COL17A1: variants seen among roughly 807,000 people sequenced by gnomAD.
COL17A1 encodes the protein collagen type XVII alpha 1 chain, also known as collagen alpha-1(XVII) chain.
COL17A1 carries 181 observed loss-of-function variants against 218.4 expected under a neutral mutation model. That is an observed-to-expected ratio of 0.83 (90% CI 0.73 to 0.94). The LOEUF (loss-of-function observed/expected upper bound fraction) is 0.94, where lower values mean the gene tolerates loss of function less well. Among genes scored for constraint, COL17A1 ranks in the 40% least tolerant of loss-of-function variants. The probability of loss-of-function intolerance (pLI) is 0.00; values close to 1 mark genes in which losing one functional copy is unlikely to be tolerated. For missense variants in COL17A1, 1,924 were observed against 1,945.9 expected (o/e 0.99, Z 0.21); for synonymous variants, 721 against 731.0 (o/e 0.99, Z 0.22).
In COL17A1 at chr10:104,066,372, A is replaced by T. The variant is rs550080865; in HGVS notation, c.608-1776T>A. On this transcript the variant is annotated intron_variant, in intron 9 of 55. Coordinates refer to ENST00000648076, the MANE Select transcript of COL17A1 (RefSeq NM_000494.4). ...AACCAGGGACAAGGAAAAGCAAAAA[A>T]TGATAAAGTATTGCTGTTTTATCTG... Among the ~76,000 whole-genome samples, 4 of 152,334 alleles carry T rather than the reference A, an allele frequency of 2.6e-5. No homozygotes were observed. In the East Asian group the frequency reaches 7.7e-4, roughly 29 times the overall value.
intron 9 of COL17A1, among the ~76,000 whole-genome samples, chr10:104,068,991 T>A (rs987256342): frequency 2.0e-5 from 3 of 152,206 alleles, no homozygotes; most frequent in Non-Finnish European, 4.4e-5. Flanking sequence ...AGGAATTCAC[T>A]GGGGTCCCCA....
At chr10:104,054,223 T>C in intron 20 of COL17A1, 105 bp from the exon 21 acceptor site, 1 of 1,144,848 alleles carries the variant, frequency 8.7e-7, no homozygotes, top group Non-Finnish European at 1.3e-6. Flanking sequence ...ACTTAGGAAA[T>C]AAAAATGCAG....
intron 1 of COL17A1, among the ~76,000 whole-genome samples, chr10:104,082,758 G>A (rs1217914099): frequency 1.3e-5 from 2 of 152,146 alleles, no homozygotes; most frequent in Admixed American, 6.5e-5. Context: ...GGAAAGTTTT[G>A]CTTGTTCTTT....
intron 14 of COL17A1, 136 bp from the exon 15 acceptor site, chr10:104,059,854 T>G: frequency 2.8e-6 from 3 of 1,060,512 alleles, no homozygotes; most frequent in South Asian, 2.7e-5. Context: ...CCCTCTTTCC[T>G]GGGGTTCATC....
At chr10:104,063,593 T>C in intron 11 of COL17A1, 154 bp downstream of exon 11, 2 of 1,204,510 alleles carry the variant, frequency 1.7e-6, no homozygotes, top group South Asian at 1.3e-5. Context: ...GTCTGAGTTC[T>C]CCCTGTGGTT....
intron 41 of COL17A1, 118 bp downstream of exon 41, chr10:104,039,855 C>T (rs2086340854): frequency 4.2e-6 from 6 of 1,432,044 alleles, no homozygotes; most frequent in Non-Finnish European, 5.9e-6. Context: ...AGAAACACTG[C>T]TCTACTCTTG....
At chr10:104,037,183 C>A (rs1465050442) in intron 46 of COL17A1, 70 bp from the exon 47 acceptor site, 5 of 1,405,760 alleles carry the variant, frequency 3.6e-6, no homozygotes, top group Non-Finnish European at 4.9e-6. Context: ...ATTCCAGAAT[C>A]TGAAAGGCCC....
At chr10:104,035,432 C>G in intron 49 of COL17A1, 42 bp downstream of exon 49, 2 of 1,613,586 alleles carry the variant, frequency 1.2e-6, no homozygotes, top group Non-Finnish European at 1.7e-6. Flanking sequence ...GACTCTGCTT[C>G]CTCCCCAACC....
rs780555811 is a variant in COL17A1, at chr10:104,074,174, G to C, written c.379+10C>G. 3 of 1,614,166 alleles carry C rather than the reference G, an allele frequency of 1.9e-6. No individual in the cohort carries two copies. The highest frequency in any genetic ancestry group is 2.5e-6 in the Non-Finnish European group (3 of 1,180,022). On this transcript the variant is annotated intron_variant, in intron 6 of 55. Coordinates refer to ENST00000648076, the MANE Select transcript of COL17A1 (RefSeq NM_000494.4). The stretch of plus-strand genomic sequence containing the variant: ...TGACCATTTCTTTAGAAAATAAGGA[G>C]AGGACATACCAAATTCCTTCCGAGG...
At chr10:104,046,713 G>A in intron 32 of COL17A1, 34 bp downstream of exon 32, 1 of 1,612,048 alleles carries the variant, frequency 6.2e-7, no homozygotes, top group Non-Finnish European at 8.5e-7. Flanking sequence ...GGAGAAGGTG[G>A]GAGACAGCAG....
intron 31 of COL17A1, 148 bp from the exon 32 acceptor site, chr10:104,046,921 C>T: frequency 1.3e-6 from 1 of 753,694 alleles, no homozygotes; most frequent in East Asian, 2.7e-5. Context: ...CAGCCAGCAT[C>T]CTTGGACCTC....
At chr10:104,048,346 C>A (rs897491250) in intron 29 of COL17A1, among the ~76,000 whole-genome samples, 1 of 152,172 alleles carries the variant, frequency 6.6e-6, no homozygotes, top group Admixed American at 6.5e-5. Context: ...GCATCTCAAG[C>A]GCCTCGATGC....
chr10:104,084,012 T>C (rs2086786396), intron 1 of COL17A1, among the ~76,000 whole-genome samples: 1 of 152,222 alleles, frequency 6.6e-6, no homozygotes, highest in Non-Finnish European at 1.5e-5. Flanking sequence ...AGCAGTTTGA[T>C]GCCAGGAAAG....
rs2086711884 is a variant in COL17A1, at chr10:104,076,474, G to C, written c.203-45C>G. 2.5e-6 allele frequency: 4 copies of C among 1,612,542 alleles called. No homozygotes were observed. The East Asian group carries it at 8.9e-5, about 36-fold the overall frequency. On this transcript the variant is annotated intron_variant, in intron 4 of 55. Transcript: ENST00000648076. Reference sequence around the variant, plus strand: ...TAAGTTCTCAGTGCTTCAGCAGAGAGGTGAACCAAATGGCTACTGTGACCC... The same window carrying C: ...TAAGTTCTCAGTGCTTCAGCAGAGACGTGAACCAAATGGCTACTGTGACCC...
rs751663125 is a variant in COL17A1 at position 104,047,737 on chromosome 10, A to C, written c.2335+2T>G. 1 of 1,613,634 alleles carries C rather than the reference A, an allele frequency of 6.2e-7. No homozygotes were observed. Among genetic ancestry groups the C allele is most frequent in the South Asian group, 1.1e-5 (1 of 91,070 alleles). On this transcript the variant is annotated splice_donor_variant, in intron 31 of 55. Coordinates refer to ENST00000648076, the MANE Select transcript of COL17A1 (RefSeq NM_000494.4). LOFTEE classifies it high-confidence loss of function. ...CATGGCTCCCTCTTCCTGCTCTGTT[A>C]CCTGGCTTTCCTGGGTCTCCAGAAG...
chr10:104,046,820 A>G (rs760239023), intron 31 of COL17A1, 47 bp from the exon 32 acceptor site: 1 of 1,595,408 alleles, frequency 6.3e-7, no homozygotes, highest in South Asian at 1.1e-5. Flanking sequence ...GGTGGAGGCC[A>G]TCCCTGGTAG....
At chr10:104,037,561 G>A (rs2086312819) in intron 46 of COL17A1, 75 bp downstream of exon 46, 1 of 1,567,070 alleles carries the variant, frequency 6.4e-7, no homozygotes, top group Non-Finnish European at 8.8e-7. Flanking sequence ...CAGCAAACGA[G>A]GAGATGAGGC....
rs1393431744 is a variant in COL17A1 at position 104,033,231 on chromosome 10, C to T, written c.4294+7G>A. ...CAGGTGCTGGGAAAGCAGTTGGATG[C>T]CCTTACTTTGGAAGAAGTCCATGAG... On this transcript the variant is annotated splice_region_variant and intron_variant, in intron 53 of 55. Coordinates refer to ENST00000648076, the MANE Select transcript of COL17A1 (RefSeq NM_000494.4). The T allele has an allele frequency of 1.9e-6, 3 of 1,580,936 alleles. No individual in the cohort carries two copies. Among genetic ancestry groups the T allele is most frequent in the African/African-American group, 2.7e-5 (2 of 74,806 alleles).
rs79977303 is a variant in COL17A1, at chr10:104,084,785, G to C, written c.-12+938C>G. Among the ~76,000 whole-genome samples the C allele has an allele frequency of 9.8e-3, 1,494 of 152,316 alleles. 63 individuals are homozygous for C. The East Asian group carries it at 0.1, about 10-fold the overall frequency. On this transcript the variant is annotated intron_variant, in intron 1 of 55. Transcript: ENST00000648076. ...GTCTTAGGTTAGTTCTGACAGATCTGTGCCTTAGCTCTAAGAGAGAACATA... is the reference window on the plus strand; with the variant it reads ...GTCTTAGGTTAGTTCTGACAGATCTCTGCCTTAGCTCTAAGAGAGAACATA...
Sources: gnomAD v4.1 joint callset for allele counts (sites outside exome capture counted in the v4.1 genomes callset) on GRCh38, gnomAD v4.1.1 for gene constraint, MANE v1.5 for transcripts, NCBI Gene and HGNC (gene_info 2026-07-23, HGNC 2026-07-21) for gene names.